The following AKAP3 variants were observed in gnomAD, a reference collection of about 807,000 sequenced individuals.
AKAP3 encodes A-kinase anchoring protein 3.
AKAP3 carries 27 observed loss-of-function variants against 57.2 expected under a neutral mutation model. That is an observed-to-expected ratio of 0.47 (90% confidence interval 0.35 to 0.65). AKAP3 has a LOEUF of 0.65. Ranked by LOEUF, AKAP3 falls within the 30% of genes least tolerant of loss-of-function variation. The probability of loss-of-function intolerance (pLI) is 0.01; values close to 1 mark genes in which losing one functional copy is unlikely to be tolerated. For missense variants in AKAP3, 959 were observed against 1,040.0 expected (o/e 0.92, Z 1.07); for synonymous variants, 334 against 392.3 (o/e 0.85, Z 1.76).
intron 4 of AKAP3, among the ~76,000 whole-genome samples, chr12:4,637,225 C>T (rs1945577513): frequency 6.6e-6 from 1 of 152,210 alleles, no homozygotes; most frequent in African/African-American, 2.4e-5. Context: ...CTTTGCCTTG[C>T]TTTGTGATAC....
intron 5 of AKAP3, among the ~76,000 whole-genome samples, chr12:4,621,304 A>G (rs919188566): frequency 2.6e-5 from 4 of 152,204 alleles, no homozygotes; most frequent in African/African-American, 9.7e-5. Flanking sequence ...ATATTTTAAA[A>G]TATTTATTGT....
chr12:4,639,005 TTC>T (rs1198762578), intron 3 of AKAP3, among the ~76,000 whole-genome samples: 1 of 152,212 alleles, frequency 6.6e-6, no homozygotes, highest in South Asian at 2.1e-4. Flanking sequence ...TAGCTACTAT[TTC>T]TCTCTTTTTC....
Position 4,627,117 on chromosome 12 carries a change from A to G in AKAP3, c.1785T>C (p.Phe595=). Residue 595 remains phenylalanine (F), a synonymous_variant, in exon 5 of 6, where the codon TTT becomes TTC. Transcript: ENST00000228850. ...AEKKDLRSVF[F]NFIRNLLSET... ...CACTAAGTAAGTTCCGGATGAAATTAAAGAAAACACTCCTTAGGTCCTTCT... is the reference window on the plus strand; with the variant it reads ...CACTAAGTAAGTTCCGGATGAAATTGAAGAAAACACTCCTTAGGTCCTTCT... The G allele has an allele frequency of 6.2e-7, 1 of 1,614,188 alleles. No homozygotes were observed. The highest frequency in any genetic ancestry group is 8.5e-7 in the Non-Finnish European group (1 of 1,180,034).
At chr12:4,620,350 A>C (rs1945331254) in intron 5 of AKAP3, among the ~76,000 whole-genome samples, 1 of 151,428 alleles carries the variant, frequency 6.6e-6, no homozygotes, top group African/African-American at 2.4e-5. Context: ...ATTACAGTGC[A>C]CCTGTAATCC....
At position 4,626,851 on chromosome 12, in the gene AKAP3, A is replaced by C; in HGVS notation, c.2051T>G (p.Ile684Ser). Reference sequence around the variant, plus strand: ...CAACGAAGCATCACAGGACTTAGCAATGATGACACACAGCTTCATCACTGA... The same window carrying C: ...CAACGAAGCATCACAGGACTTAGCACTGATGACACACAGCTTCATCACTGA... ...MNSVMKLCVI[I>S]AKSCDASLAE... The change falls in exon 5 of 6, where the codon ATT becomes AGT. Residue 684 changes from isoleucine (I) to serine (S), a missense_variant. Transcript: ENST00000228850. 2 of 1,608,650 alleles carry C rather than the reference A, an allele frequency of 1.2e-6. No homozygotes were observed. The highest frequency in any genetic ancestry group is 1.7e-6 in the Non-Finnish European group (2 of 1,178,728).
chr12:4,638,324 A>C (rs117588583), intron 3 of AKAP3, 128 bp from the exon 4 acceptor site: 564 of 678,652 alleles, frequency 8.3e-4, no homozygotes, highest in Middle Eastern at 3.0e-4. Context: ...ACCTTCCCCA[A>C]CAGCCACTTC....
intron 5 of AKAP3, among the ~76,000 whole-genome samples, chr12:4,617,373 C>T (rs1945297364): frequency 6.6e-6 from 1 of 152,202 alleles, no homozygotes; most frequent in Non-Finnish European, 1.5e-5. Context: ...CAGAAGGAAA[C>T]TGGGAACATT....
chr12:4,616,814 CAG>C, intron 5 of AKAP3, among the ~76,000 whole-genome samples: 1 of 152,164 alleles, frequency 6.6e-6, no homozygotes, highest in East Asian at 1.9e-4. Flanking sequence ...AAAAAATAAA[CAG>C]AGCCCAAGGA....
At chr12:4,622,930 G>GA (rs1418302692) in intron 5 of AKAP3, among the ~76,000 whole-genome samples, 1 of 151,944 alleles carries the variant, frequency 6.6e-6, no homozygotes, top group Non-Finnish European at 1.5e-5. Flanking sequence ...AAATTTGCAA[G>GA]AAAAAAACAA....
chr12:4,644,047 C>A (rs908882155), intron 2 of AKAP3, among the ~76,000 whole-genome samples: 1 of 152,130 alleles, frequency 6.6e-6, no homozygotes, highest in African/African-American at 2.4e-5. Context: ...CCTGCTACAT[C>A]GTAGAAGCTC....
intron 5 of AKAP3, among the ~76,000 whole-genome samples, chr12:4,624,447 A>T (rs1239461102): frequency 6.6e-6 from 1 of 151,792 alleles, no homozygotes; most frequent in African/African-American, 2.4e-5. Flanking sequence ...ACAAATGAGA[A>T]AACAACCCTT....
Position 4,627,006 on chromosome 12 carries a change from C to T in AKAP3, c.1896G>A (p.Pro632=), listed in dbSNP as rs138397470. 368 of 1,614,084 alleles carry T rather than the reference C, an allele frequency of 2.3e-4. No homozygotes were observed. The African/African-American group carries it at 3.1e-3, about 14-fold the overall frequency. The part of the protein sequence containing the change: ...VKEDRKLCER[P]LASSPPRLYE... ...ATAGCCTGGGGGGAGAAGACGCCAA[C>T]GGTCTTTCACACAACTTCCTATCTT... The change falls in exon 5 of 6, where the codon CCG becomes CCA. Residue 632 remains proline, a synonymous_variant. Transcript: ENST00000228850.
intron 4 of AKAP3, among the ~76,000 whole-genome samples, chr12:4,630,159 C>T (rs185890418): frequency 1.8e-3 from 272 of 152,220 alleles, no homozygotes; most frequent in Middle Eastern, 0.01. Flanking sequence ...AAGAACAATT[C>T]GGTATTTTTA....
chr12:4,615,732 T>C lies in AKAP3; in HGVS notation c.*7A>G, dbSNP rs1488598369. On this transcript the variant is annotated 3_prime_UTR_variant, in exon 6 of 6. Coordinates refer to ENST00000228850, the MANE Select transcript of AKAP3 (RefSeq NM_001278309.2). ...GCCAGAAGAGGGGAAAGCAGTGGGG[T>C]TGCCGATTACAGGTTCACCATCAGC... 1 of 1,612,052 alleles carries C rather than the reference T, an allele frequency of 6.2e-7. No homozygotes were observed. Among genetic ancestry groups the C allele is most frequent in the Admixed American group, 1.7e-5 (1 of 59,930 alleles).
chr12:4,638,245 T>C (rs1945590744), intron 3 of AKAP3, 49 bp from the exon 4 acceptor site: 1 of 1,311,206 alleles, frequency 7.6e-7, no homozygotes, highest in Non-Finnish European at 1.1e-6. Context: ...AGGGCAGATT[T>C]TATGAAAGTA....
rs1306125701 is a variant in AKAP3, at chr12:4,627,230, T to G, written c.1672A>C (p.Asn558His). 1 of 1,614,082 alleles carries G rather than the reference T, an allele frequency of 6.2e-7. No individual in the cohort carries two copies. Among genetic ancestry groups the G allele is most frequent in the Admixed American group, 1.7e-5 (1 of 59,994 alleles). Residue 558 changes from asparagine to histidine, a missense_variant, in exon 5 of 6, where the codon AAC (asparagine) becomes CAC (histidine). Transcript: ENST00000228850. ...ACAGGAGGTTCATTGGCAGGAAAGT[T>G]GGTGGTGCCAGCAGCTTCAACGAAG... ...RSFVEAAGTTNFPANEPPVAP... is the reference protein window; with the variant it reads ...RSFVEAAGTTHFPANEPPVAP...
intron 1 of AKAP3, among the ~76,000 whole-genome samples, chr12:4,647,014 C>A (rs181035913): frequency 1.3e-5 from 2 of 152,192 alleles, no homozygotes; most frequent in Non-Finnish European, 2.9e-5. Context: ...AACTCCTGAC[C>A]TCAAGTGATC....
intron 5 of AKAP3, 80 bp downstream of exon 5, chr12:4,626,416 C>G: frequency 1.4e-6 from 2 of 1,478,938 alleles, no homozygotes; most frequent in Non-Finnish European, 1.8e-6. Context: ...GGCTATCTTC[C>G]CATTCAGAAA....
chr12:4,637,253 C>A (rs1466676622), intron 4 of AKAP3, among the ~76,000 whole-genome samples: 1 of 152,220 alleles, frequency 6.6e-6, no homozygotes, highest in Non-Finnish European at 1.5e-5. Flanking sequence ...AAACCCTAAA[C>A]ATTTCTCCTT....
Sources: gnomAD v4.1 joint callset for allele counts (sites outside exome capture counted in the v4.1 genomes callset) on GRCh38, gnomAD v4.1.1 for gene constraint, MANE v1.5 for transcripts, NCBI Gene and HGNC (gene_info 2026-07-23, HGNC 2026-07-21) for gene names.